Variants in PLEKHB2 observed in about 807,000 individuals in gnomAD.
PLEKHB2 encodes pleckstrin homology domain containing B2.
A neutral mutation model predicts 36.5 loss-of-function variants in PLEKHB2; 31 were observed. The ratio of observed to expected loss-of-function variants is 0.85; its 90% CI spans 0.64 to 1.15. The LOEUF is 1.15. PLEKHB2 is among the 50% of genes most tolerant of loss of function. PLEKHB2 has a pLI of 0.00. For missense variants in PLEKHB2, 262 were observed against 295.3 expected, an observed-to-expected ratio of 0.89 and a Z score of 0.83; for synonymous variants, 119 against 112.0, an observed-to-expected ratio of 1.06 and a Z score of -0.39.
At chr2:131,130,615 T>C in intron 4 of PLEKHB2, 106 bp from the exon 5 acceptor site, 1 of 865,132 alleles carries the variant, frequency 1.2e-6, no homozygotes. Context: ...GCCTGAAGAC[T>C]TGTTTTTTAA....
chr2:131,132,337 C>T (rs555351439), intron 5 of PLEKHB2, among the ~76,000 whole-genome samples: 4 of 152,120 alleles, frequency 2.6e-5, no homozygotes, highest in Non-Finnish European at 4.4e-5. Flanking sequence ...GAGACAGTCT[C>T]GCCTTGTTGC....
In PLEKHB2 at chr2:131,147,671, GC is replaced by G. The variant is rs1249247755; in HGVS notation, c.*900del. 1 of 152,140 alleles carries G rather than the reference GC, an allele frequency of 6.6e-6. No homozygotes were observed. Among genetic ancestry groups the G allele is most frequent in the Non-Finnish European group, 1.5e-5 (1 of 68,118 alleles). The allele number at this position is 152,140 out of a possible 1,614,324, so 9.4% of individuals were successfully genotyped here. A position where few individuals can be genotyped will look rare whatever the true frequency, so the allele number is the denominator to read the frequency against. ...AAATTAGCTGGGCGTGGTGGCAGGCGCCTGTGGTCCCAGCTACTCGGGAGGC... is the reference window on the plus strand; with the variant it reads ...AAATTAGCTGGGCGTGGTGGCAGGCGCTGTGGTCCCAGCTACTCGGGAGGC... On this transcript the variant is annotated 3_prime_UTR_variant, in exon 8 of 8. Coordinates refer to ENST00000693505, the MANE Select transcript of PLEKHB2 (RefSeq NM_001100623.2).
At chr2:131,132,405 C>T (rs185651895) in intron 5 of PLEKHB2, among the ~76,000 whole-genome samples, 1 of 152,172 alleles carries the variant, frequency 6.6e-6, no homozygotes, top group South Asian at 2.1e-4. Flanking sequence ...CTCCTGGGCT[C>T]GAGTGATCCT....
intron 2 of PLEKHB2, among the ~76,000 whole-genome samples, chr2:131,124,535 A>G (rs1201144709): frequency 2.0e-5 from 3 of 152,180 alleles, no homozygotes; most frequent in Admixed American, 2.0e-4. Flanking sequence ...ACTGTTTTAT[A>G]TACCACGTTA....
chr2:131,144,697 G>C, intron 7 of PLEKHB2, among the ~76,000 whole-genome samples: 1 of 152,212 alleles, frequency 6.6e-6, no homozygotes, highest in East Asian at 1.9e-4. Context: ...AGCATCCACA[G>C]CTGACTCTGG....
rs1699480096 is a variant in PLEKHB2 at position 131,148,837 on chromosome 2, C to A, written c.*2064C>A. 6.6e-6 allele frequency: 1 copy of A among 152,190 alleles called. No homozygotes were observed. The highest frequency in any genetic ancestry group is 1.5e-5 in the Non-Finnish European group (1 of 68,040). 9.4% of individuals were successfully genotyped at this position (152,190 alleles called of 1,614,324 possible). A position where few individuals can be genotyped will look rare whatever the true frequency, so the allele number is the denominator to read the frequency against. Reference sequence around the variant, plus strand: ...CCTGTATAAGAAGAATGGCTTTCTTCAGATTATAATCGTTATTAAAGCTGT... The same window carrying A: ...CCTGTATAAGAAGAATGGCTTTCTTAAGATTATAATCGTTATTAAAGCTGT... On this transcript the variant is annotated 3_prime_UTR_variant, in exon 8 of 8. Transcript: ENST00000693505.
intron 1 of PLEKHB2, chr2:131,120,719 T>C: frequency 1.6e-6 from 1 of 625,898 alleles, no homozygotes. Flanking sequence ...GTGGTGAGGC[T>C]GAAGGCGAGT....
At position 131,147,873 on chromosome 2, in the gene PLEKHB2, A is replaced by G. The variant is rs938433299; in HGVS notation, c.*1100A>G. 2.6e-5 allele frequency: 4 copies of G among 152,058 alleles called. No individual in the cohort carries two copies. The highest frequency in any genetic ancestry group is 5.9e-5 in the Non-Finnish European group (4 of 68,042). The allele number at this position is 152,058 out of a possible 1,614,324, so 9.4% of individuals were successfully genotyped here. ...TGTGGAGGCAGATTTGCTTTATTCC[A>G]AGAGGCTGTTTGAGTGTGTGTCTGC... On this transcript the variant is annotated 3_prime_UTR_variant, in exon 8 of 8. Coordinates refer to ENST00000693505, the MANE Select transcript of PLEKHB2 (RefSeq NM_001100623.2).
intron 1 of PLEKHB2, among the ~76,000 whole-genome samples, chr2:131,116,404 G>T (rs555508902): frequency 6.6e-6 from 1 of 152,192 alleles, no homozygotes; most frequent in East Asian, 1.9e-4. Context: ...CTCCTTTAAA[G>T]AACTACCTGA....
At chr2:131,124,699 G>A (rs1341330983) in intron 2 of PLEKHB2, among the ~76,000 whole-genome samples, 2 of 152,160 alleles carry the variant, frequency 1.3e-5, no homozygotes, top group African/African-American at 4.8e-5. Context: ...CAGGAAGGGG[G>A]GAGCCTTCCA....
At chr2:131,121,112 A>C in intron 2 of PLEKHB2, 134 bp downstream of exon 2, 1 of 766,420 alleles carries the variant, frequency 1.3e-6, no homozygotes, top group Non-Finnish European at 2.1e-6. Context: ...TTCCCCTTGG[A>C]CATTCCTAGA....
chr2:131,138,416 A>C (rs1398593233), intron 6 of PLEKHB2, among the ~76,000 whole-genome samples: 1 of 152,074 alleles, frequency 6.6e-6, no homozygotes, highest in Non-Finnish European at 1.5e-5. Context: ...CATTTAGTTG[A>C]GGTCTTCCTG....
chr2:131,128,885 G>T (rs1244092293), intron 4 of PLEKHB2, among the ~76,000 whole-genome samples: 1 of 152,132 alleles, frequency 6.6e-6, no homozygotes, highest in Non-Finnish European at 1.5e-5. Flanking sequence ...GTCCCTACTA[G>T]ACTCTTCCAC....
intron 1 of PLEKHB2, among the ~76,000 whole-genome samples, chr2:131,112,086 C>T (rs1231028723): frequency 6.6e-6 from 1 of 152,174 alleles, no homozygotes; most frequent in African/African-American, 2.4e-5. Context: ...TCTGAAACAC[C>T]TATGCGACTT....
intron 7 of PLEKHB2, among the ~76,000 whole-genome samples, chr2:131,146,244 A>G (rs1406836308): frequency 1.3e-5 from 2 of 151,904 alleles, no homozygotes; most frequent in Non-Finnish European, 2.9e-5. Context: ...TTGCGTGCAT[A>G]CTAAGAAGCT....
Position 131,126,718 on chromosome 2 carries a change from C to A in PLEKHB2, c.225C>A (p.Cys75Ter). ...CCCCGGATGGAAAGTCAAAAGACTGCATGCTCCAGATTGTTTGTCGAGATG... is the reference window on the plus strand; with the variant it reads ...CCCCGGATGGAAAGTCAAAAGACTGAATGCTCCAGATTGTTTGTCGAGATG... ...TQPPDGKSKD[C>*]MLQIVCRDGK... Residue 75 changes from cysteine to a stop codon, truncating the protein, a stop_gained, in exon 4 of 8, where the codon TGC becomes TGA. Coordinates refer to ENST00000693505, the MANE Select transcript of PLEKHB2 (RefSeq NM_001100623.2). LOFTEE classifies it high-confidence loss of function. The A allele has an allele frequency of 6.2e-7, 1 of 1,610,630 alleles. No homozygotes were observed. The highest frequency in any genetic ancestry group is 1.1e-5 in the South Asian group (1 of 91,016).
chr2:131,135,035 G>T (rs1256348360), intron 6 of PLEKHB2, among the ~76,000 whole-genome samples: 1 of 151,878 alleles, frequency 6.6e-6, no homozygotes, highest in Non-Finnish European at 1.5e-5. Flanking sequence ...TAGAGAAATA[G>T]AATTGATTTT....
intron 6 of PLEKHB2, among the ~76,000 whole-genome samples, 183 bp from the exon 7 acceptor site, chr2:131,139,984 A>G (rs1375485500): frequency 6.6e-6 from 1 of 152,110 alleles, no homozygotes; most frequent in African/African-American, 2.4e-5. Flanking sequence ...GTGGACTCCA[A>G]TTGTAGCTTT....
At chr2:131,112,997 T>G (rs1431157919) in intron 1 of PLEKHB2, among the ~76,000 whole-genome samples, 4 of 152,198 alleles carry the variant, frequency 2.6e-5, no homozygotes, top group African/African-American at 9.7e-5. Flanking sequence ...CTTGTGGGAC[T>G]GAGCCCTCAA....
Sources: gnomAD v4.1 joint callset for allele counts (sites outside exome capture counted in the v4.1 genomes callset) on GRCh38, gnomAD v4.1.1 for gene constraint, MANE v1.5 for transcripts, NCBI Gene and HGNC (gene_info 2026-07-23, HGNC 2026-07-21) for gene names.